PITPNM1: variants seen among roughly 807,000 people sequenced by gnomAD.
The protein encoded by PITPNM1 is phosphatidylinositol transfer protein membrane associated 1.
A neutral mutation model predicts 133.3 loss-of-function variants in PITPNM1; 74 were observed. The ratio of observed to expected loss-of-function variants is 0.56; its 90% CI spans 0.46 to 0.67. The LOEUF (loss-of-function observed/expected upper bound fraction) is 0.67. Ranked by LOEUF, PITPNM1 falls within the 30% of genes least tolerant of loss-of-function variation. The pLI is 0.00. For synonymous variants in PITPNM1, 738 were observed against 741.4 expected, an observed-to-expected ratio of 1.00 and a Z score of 0.08; for missense variants, 1,398 against 1,739.5, an observed-to-expected ratio of 0.80 and a Z score of 3.49.
chr11:67,503,521 A>C (rs1866398928), intron 2 of PITPNM1, among the ~76,000 whole-genome samples: 2 of 152,162 alleles, frequency 1.3e-5, no homozygotes, highest in African/African-American at 4.8e-5. Flanking sequence ...GGCCCTTTCA[A>C]GCCCGAGGCG....
chr11:67,500,176 C>T lies in PITPNM1; in HGVS notation c.886G>A (p.Gly296Ser). Residue 296 changes from glycine (G) to serine (S), a missense_variant, in exon 6 of 24, where the codon GGC (glycine) becomes AGC (serine). By Grantham distance (56) the Gly-to-Ser change is moderately conservative. Around this residue, in one of 5 missense-constraint regions of PITPNM1, gnomAD observed 195 missense variants for 178.8 expected, o/e 1.09. Coordinates refer to ENST00000356404, the MANE Select transcript of PITPNM1 (RefSeq NM_004910.3). The stretch of plus-strand genomic sequence containing the variant: ...CTGGCATCGGGGGAGGCATCTGGGC[C>T]TGGGGGGGCCTCAGGCCCATCGGGG... ...GTPDGPEAPPGPDASPDASFG... is the reference protein window; with the variant it reads ...GTPDGPEAPPSPDASPDASFG... The T allele has an allele frequency of 6.3e-7, 1 of 1,599,352 alleles. No individual in the cohort carries two copies.
chr11:67,497,574 G>T lies in PITPNM1; in HGVS notation c.1888C>A (p.Gln630Lys). The change falls in exon 13 of 24, where the codon CAG becomes AAG. Residue 630 changes from glutamine (Q) to lysine (K), a missense_variant. This residue lies in a region of PITPNM1 where 574 missense variants were observed against 698.7 expected (regional missense o/e 0.82). Coordinates refer to ENST00000356404, the MANE Select transcript of PITPNM1 (RefSeq NM_004910.3). ...CTGGCCATGTCGCTGGGGATGCGCT[G>T]GGGAGGCAAGGCCGAGGGTTCTGGG... ...GSPEPSALPP[Q>K]RIPSDMASPE... 6.2e-7 allele frequency: 1 copy of T among 1,608,414 alleles called. No homozygotes were observed. Among genetic ancestry groups the T allele is most frequent in the Non-Finnish European group, 8.5e-7 (1 of 1,178,598 alleles).
At position 67,500,687 on chromosome 11, in the gene PITPNM1, G is replaced by A. The variant is rs542379589; in HGVS notation, c.641-266C>T. On this transcript the variant is annotated intron_variant, in intron 5 of 23. Transcript: ENST00000356404. ...CTGTCCCCACCCCATCACTCCAGAAGCAGGGACCAATGCTTGTTCTTGCTT... is the reference window on the plus strand; with the variant it reads ...CTGTCCCCACCCCATCACTCCAGAAACAGGGACCAATGCTTGTTCTTGCTT... Among the ~76,000 whole-genome samples, 161 of 152,332 alleles carry A rather than the reference G, an allele frequency of 1.1e-3. 1 individual carries two copies. Among genetic ancestry groups the A allele is most frequent in the African/African-American group, 3.8e-3 (156 of 41,564 alleles).
rs1866360329 is a variant in PITPNM1, at chr11:67,502,447, T to A, written c.294-34A>T. 2 of 1,613,696 alleles carry A rather than the reference T, an allele frequency of 1.2e-6. No homozygotes were observed. The highest frequency in any genetic ancestry group is 1.3e-5 in the African/African-American group (1 of 75,052). Reference sequence around the variant, plus strand: ...AAGGCACGGGTGAGGCTCACTGCTGTACCCACCAGGGCCGCTCCCCTCCTG... The same window carrying A: ...AAGGCACGGGTGAGGCTCACTGCTGAACCCACCAGGGCCGCTCCCCTCCTG... On this transcript the variant is annotated intron_variant, in intron 3 of 23. Transcript: ENST00000356404. The surrounding 1 kb of genome is among the most constrained non-coding windows in gnomAD (Gnocchi z 5.9).
rs2134302782 is a variant in PITPNM1 at position 67,498,444 on chromosome 11, A to G, written c.1485-122T>C. On this transcript the variant is annotated intron_variant, in intron 10 of 23. Transcript: ENST00000356404. The surrounding 1 kb of genome is among the most constrained non-coding windows in gnomAD (Gnocchi z 5.7). ...TCCTCTGTGGGGAGCGTTAGCCCCAAGAGGCAACTGAAATGGAGCCATTCT... is the reference window on the plus strand; with the variant it reads ...TCCTCTGTGGGGAGCGTTAGCCCCAGGAGGCAACTGAAATGGAGCCATTCT... 1.4e-6 allele frequency: 2 copies of G among 1,408,618 alleles called. No individual in the cohort carries two copies. Among genetic ancestry groups the G allele is most frequent in the Non-Finnish European group, 1.9e-6 (2 of 1,049,538 alleles). The allele number at this position is 1,408,618 out of a possible 1,614,324, so 87.3% of individuals were successfully genotyped here. A position where few individuals can be genotyped will look rare whatever the true frequency, so the allele number is the denominator to read the frequency against.
Position 67,504,250 on chromosome 11 carries a change from T to C in PITPNM1, c.-41-29A>G, listed in dbSNP as rs1033702978. 47 of 1,040,494 alleles carry C rather than the reference T, an allele frequency of 4.5e-5. No individual in the cohort carries two copies. The Admixed American group carries it at 1.9e-3, about 42-fold the overall frequency. The allele number at this position is 1,040,494 out of a possible 1,614,324, so 64.5% of individuals were successfully genotyped here. Reference sequence around the variant, plus strand: ...GCGCAGGGCACGGCGCGACAGTCAGTGCGGGGAGGCTGCGCGCGGCCCCGA... The same window carrying C: ...GCGCAGGGCACGGCGCGACAGTCAGCGCGGGGAGGCTGCGCGCGGCCCCGA... On this transcript the variant is annotated intron_variant, in intron 1 of 23. Coordinates refer to ENST00000356404, the MANE Select transcript of PITPNM1 (RefSeq NM_004910.3). This position sits in a 1 kb window ranked among gnomAD's most constrained non-coding sequence, Gnocchi z 5.4.
chr11:67,496,414 G>A, intron 14 of PITPNM1, 66 bp from the exon 15 acceptor site: 1 of 1,448,714 alleles, frequency 6.9e-7, no homozygotes, highest in Non-Finnish European at 9.2e-7. Flanking sequence ...TGGGAGGTAG[G>A]GGGTGTGGGA....
Position 67,498,790 on chromosome 11 carries a change from G to C in PITPNM1, c.1290C>G (p.Phe430Leu). ...GGATGTTGCCGCTGTGCAGGATAAG[G>C]AAGAGGGCGTGGACTGCGCATGCCT... is the stretch of plus-strand genomic sequence containing the variant. ...GAEACAVHAL[F>L]LILHSGNILD... The change falls in exon 10 of 24, where the codon TTC becomes TTG. Residue 430 changes from phenylalanine to leucine, a missense_variant. This residue lies in a region of PITPNM1 where 574 missense variants were observed against 698.7 expected (regional missense o/e 0.82). Coordinates refer to ENST00000356404, the MANE Select transcript of PITPNM1 (RefSeq NM_004910.3). The surrounding 1 kb of genome is among the most constrained non-coding windows in gnomAD (Gnocchi z 5.7). 1 of 1,612,676 alleles carries C rather than the reference G, an allele frequency of 6.2e-7. No homozygotes were observed. The highest frequency in any genetic ancestry group is 1.1e-5 in the South Asian group (1 of 91,080).
chr11:67,497,574 G>A lies in PITPNM1; in HGVS notation c.1888C>T (p.Gln630Ter). 2 of 1,608,414 alleles carry A rather than the reference G, an allele frequency of 1.2e-6. No homozygotes were observed. The highest frequency in any genetic ancestry group is 1.7e-6 in the Non-Finnish European group (2 of 1,178,598). ...GSPEPSALPP[Q>*]RIPSDMASPE... ...CTGGCCATGTCGCTGGGGATGCGCTGGGGAGGCAAGGCCGAGGGTTCTGGG... is the reference window on the plus strand; with the variant it reads ...CTGGCCATGTCGCTGGGGATGCGCTAGGGAGGCAAGGCCGAGGGTTCTGGG... The change falls in exon 13 of 24, where the codon CAG becomes TAG. Residue 630 changes from glutamine (Q) to a stop codon, truncating the protein, a stop_gained. Coordinates refer to ENST00000356404, the MANE Select transcript of PITPNM1 (RefSeq NM_004910.3). LOFTEE classifies it high-confidence loss of function.
In PITPNM1 at chr11:67,495,136, G is replaced by A; in HGVS notation, c.2572C>T (p.His858Tyr). The change falls in exon 17 of 24, where the codon CAC (histidine) becomes TAC (tyrosine). Residue 858 changes from histidine (H) to tyrosine (Y), a missense_variant. His to Tyr is a moderately conservative substitution (Grantham distance 83). Around this residue, in one of 5 missense-constraint regions of PITPNM1, gnomAD observed 574 missense variants for 698.7 expected, o/e 0.82. Transcript: ENST00000356404. ...TCCCAGTAGCTGGCGTGGAAGAGGTGGGGCAGCGTGACGGTGGGAAAGGCG... is the reference window on the plus strand; with the variant it reads ...TCCCAGTAGCTGGCGTGGAAGAGGTAGGGCAGCGTGACGGTGGGAAAGGCG... ...LTAFPTVTLPHLFHASYWESA... is the reference protein window; with the variant it reads ...LTAFPTVTLPYLFHASYWESA... The A allele has an allele frequency of 1.2e-6, 2 of 1,612,636 alleles. No homozygotes were observed. Among genetic ancestry groups the A allele is most frequent in the South Asian group, 1.1e-5 (1 of 91,084 alleles).
chr11:67,500,410 C>T lies in PITPNM1; in HGVS notation c.652G>A (p.Val218Met), dbSNP rs1330309085. 2 of 1,609,122 alleles carry T rather than the reference C, an allele frequency of 1.2e-6. No individual in the cohort carries two copies. The highest frequency in any genetic ancestry group is 1.3e-5 in the African/African-American group (1 of 74,938). ...QFIHDVGLRR[V>M]MLRAHRQAWC... ...GCCTGGCGGTGGGCCCGCAGCATCA[C>T]CCGACGCAGACCTGCAGGTGCCCAG... The change falls in exon 6 of 24, where the codon GTG (valine) becomes ATG (methionine). Residue 218 changes from valine to methionine, a missense_variant. Physicochemically the swap from Val to Met is conservative, Grantham distance 21 (BLOSUM62 1). Around this residue, in one of 5 missense-constraint regions of PITPNM1, gnomAD observed 274 missense variants for 360.7 expected, o/e 0.76. Coordinates refer to ENST00000356404, the MANE Select transcript of PITPNM1 (RefSeq NM_004910.3).
Position 67,500,270 on chromosome 11 carries a change from C to G in PITPNM1, c.792G>C (p.Glu264Asp). ...TCCCGGGGGGCTGGGCCTCGGACCCCTCACTGCCTGTGTTGCACTTGGCCA... is the reference window on the plus strand; with the variant it reads ...TCCCGGGGGGCTGGGCCTCGGACCCGTCACTGCCTGTGTTGCACTTGGCCA... ...QRMAKCNTGS[E>D]GSEAQPPGKP... Residue 264 changes from glutamate (E) to aspartate (D), a missense_variant, in exon 6 of 24, where the codon GAG becomes GAC. This residue lies in a region of PITPNM1 where 195 missense variants were observed against 178.8 expected (regional missense o/e 1.09). Transcript: ENST00000356404. 6.2e-7 allele frequency: 1 copy of G among 1,609,090 alleles called. No homozygotes were observed. The highest frequency in any genetic ancestry group is 8.5e-7 in the Non-Finnish European group (1 of 1,179,870).
At position 67,502,867 on chromosome 11, in the gene PITPNM1, C is replaced by G. The variant is rs1272476117; in HGVS notation, c.79-149G>C. 1 of 734,558 alleles carries G rather than the reference C, an allele frequency of 1.4e-6. No individual in the cohort carries two copies. The highest frequency in any genetic ancestry group is 2.2e-6 in the Non-Finnish European group (1 of 453,970). The allele number at this position is 734,558 out of a possible 1,614,324, so 45.5% of individuals were successfully genotyped here. On this transcript the variant is annotated intron_variant, in intron 2 of 23. Transcript: ENST00000356404. This position sits in a 1 kb window ranked among gnomAD's most constrained non-coding sequence, Gnocchi z 5.9. ...CCAGACCCCGCCCCACCAAAGCTCC[C>G]TGGGATCAGAATCACAGATGCAGCC...
rs1866184487 is a variant in PITPNM1, at chr11:67,497,931, G to A, written c.1768C>T (p.Arg590Cys). Residue 590 changes from arginine (R) to cysteine (C), a missense_variant, in exon 12 of 24, where the codon CGC becomes TGC. Physicochemically the swap from Arg to Cys is radical, Grantham distance 180. Coordinates refer to ENST00000356404, the MANE Select transcript of PITPNM1 (RefSeq NM_004910.3). The part of the protein sequence containing the change: ...NAGTGSRGSS[R>C]RGSMNNELLS... ...GCTATACTGACCATGCTCCCACGGCGGCTGCTGCCCCGACTCCCGGTGCCC... is the reference window on the plus strand; with the variant it reads ...GCTATACTGACCATGCTCCCACGGCAGCTGCTGCCCCGACTCCCGGTGCCC... The A allele has an allele frequency of 1.9e-6, 3 of 1,610,606 alleles. No homozygotes were observed. The highest frequency in any genetic ancestry group is 1.7e-6 in the Non-Finnish European group (2 of 1,179,856).
rs1866328207 is a variant in PITPNM1, at chr11:67,501,795, C to T, written c.640+67G>A. On this transcript the variant is annotated intron_variant, in intron 5 of 23. Transcript: ENST00000356404. ...CTGTGTCCCCAGTGGATGGGAGCATCCCTGGCCCTAAACATGGGGTCTGGG... is the reference window on the plus strand; with the variant it reads ...CTGTGTCCCCAGTGGATGGGAGCATTCCTGGCCCTAAACATGGGGTCTGGG... 3 of 1,360,362 alleles carry T rather than the reference C, an allele frequency of 2.2e-6. No individual in the cohort carries two copies. In the Admixed American group the frequency reaches 5.6e-5, roughly 25 times the overall value. The allele number at this position is 1,360,362 out of a possible 1,614,324, so 84.3% of individuals were successfully genotyped here. A position where few individuals can be genotyped will look rare whatever the true frequency, so the allele number is the denominator to read the frequency against.
chr11:67,494,373 G>A lies in PITPNM1; in HGVS notation c.2743-13C>T, dbSNP rs767884117. On this transcript the variant is annotated splice_polypyrimidine_tract_variant and intron_variant, in intron 18 of 23. Transcript: ENST00000356404. ...TGGAAGTGACGTTCTAGAGGGAGGA[G>A]AGGGCGTGAGTCCGCGGCCAGCAAA... The A allele has an allele frequency of 5.7e-6, 9 of 1,577,326 alleles. No homozygotes were observed. Among genetic ancestry groups the A allele is most frequent in the African/African-American group, 4.0e-5 (3 of 74,088 alleles).
At chr11:67,495,285 G>A (rs1834326672) in intron 16 of PITPNM1, 60 bp from the exon 17 acceptor site, 5 of 1,515,502 alleles carry the variant, frequency 3.3e-6, no homozygotes, top group South Asian at 2.5e-5. Flanking sequence ...CTGCCTGGGC[G>A]CTGGGTGCTC....
Position 67,498,832 on chromosome 11 carries a change from G to C in PITPNM1, c.1248C>G (p.Ala416=). 2.5e-6 allele frequency: 4 copies of C among 1,610,180 alleles called. No individual in the cohort carries two copies. The highest frequency in any genetic ancestry group is 3.4e-6 in the Non-Finnish European group (4 of 1,177,700). ...CGCATGCCTCAGCCCCCAGCTCCCC[G>C]GCTCCATCCAGGCCCTGGGGGGAAC... is the stretch of plus-strand genomic sequence containing the variant. ...APRDSEGLDG[A]GELGAEACAV... is the part of the protein sequence containing the mutation. The change falls in exon 10 of 24, where the codon GCC becomes GCG. Residue 416 remains alanine, a synonymous_variant. Transcript: ENST00000356404. This position sits in a 1 kb window ranked among gnomAD's most constrained non-coding sequence, Gnocchi z 5.7.
chr11:67,501,654 T>C (rs542420133), intron 5 of PITPNM1, among the ~76,000 whole-genome samples: 101 of 152,344 alleles, frequency 6.6e-4, no homozygotes, highest in African/African-American at 2.4e-3. Flanking sequence ...TCAGAGCCAG[T>C]ATGGACCTTG....
Sources: gnomAD v4.1 joint callset for allele counts (sites outside exome capture counted in the v4.1 genomes callset) on GRCh38, gnomAD v4.1.1 for gene constraint, gnomAD v4.1.1 regional missense constraint, Gnocchi (gnomAD v3.1) non-coding constraint, MANE v1.5 for transcripts, NCBI Gene and HGNC (gene_info 2026-07-23, HGNC 2026-07-21) for gene names.